The following ARK2N variants were observed in gnomAD, a reference collection of about 807,000 sequenced individuals.
ARK2N encodes the protein protein ARK2N.
At chr18:46,210,816 C>T in the ARK2N span, among the ~76,000 whole-genome samples, 9 of 151,108 alleles carry the variant, frequency 6.0e-5, no homozygotes, top group South Asian at 2.1e-4. Flanking sequence ...GGGGCTGAGG[C>T]GGGAGGATCA....
the ARK2N span, chr18:46,215,776 C>T: frequency 9.0e-7 from 1 of 1,112,072 alleles, no homozygotes. Context: ...AATAATCTGG[C>T]ATTCTGTTTA....
chr18:46,224,088 T>C, the ARK2N span, among the ~76,000 whole-genome samples: 2 of 152,216 alleles, frequency 1.3e-5, no homozygotes, highest in Non-Finnish European at 2.9e-5. Context: ...ACTGGACCAC[T>C]ATGCTACTGG....
chr18:46,262,877 G>GTGGTGGAA, the ARK2N span: 1 of 1,569,360 alleles, frequency 6.4e-7, no homozygotes, highest in African/African-American at 1.4e-5. Context: ...ATTGTCTTCT[G>GTGGTGGAA]TTTTTCCTGT....
the ARK2N span, among the ~76,000 whole-genome samples, chr18:46,179,985 T>C: frequency 3.3e-5 from 5 of 152,226 alleles, no homozygotes; most frequent in African/African-American, 9.6e-5. Context: ...CTATGTGTTA[T>C]ACAGATTTAT....
At chr18:46,216,119 C>T in the ARK2N span, 1 of 1,614,130 alleles carries the variant, frequency 6.2e-7, no homozygotes, top group Non-Finnish European at 8.5e-7. The surrounding 1 kb of genome is among the most constrained non-coding windows in gnomAD (Gnocchi z 4.3). Context: ...GACAAGCCTA[C>T]AACTGGCCGA....
the ARK2N span, among the ~76,000 whole-genome samples, chr18:46,176,628 ATT>A: frequency 6.9e-6 from 1 of 144,716 alleles, no homozygotes; most frequent in African/African-American, 2.5e-5. Flanking sequence ...CTAATTTTTA[ATT>A]TTTTTTTTTT....
At chr18:46,235,950 C>T in the ARK2N span, among the ~76,000 whole-genome samples, 2 of 152,130 alleles carry the variant, frequency 1.3e-5, no homozygotes, top group Non-Finnish European at 1.5e-5. Context: ...ATGGCAACAA[C>T]GAAGAAGGCT....
chr18:46,243,155 G>A, the ARK2N span, among the ~76,000 whole-genome samples: 4 of 152,114 alleles, frequency 2.6e-5, no homozygotes, highest in East Asian at 7.7e-4. Context: ...TAGTCTTGAT[G>A]TGATTATCAT....
the ARK2N span, among the ~76,000 whole-genome samples, chr18:46,253,100 G>T: frequency 6.6e-6 from 1 of 152,206 alleles, no homozygotes; most frequent in Non-Finnish European, 1.5e-5. Flanking sequence ...TTCCTTTTTA[G>T]ATGTAGTTTT....
chr18:46,219,692 G>C, the ARK2N span, among the ~76,000 whole-genome samples: 2,487 of 152,140 alleles, frequency 0.016, 36 homozygotes, highest in Non-Finnish European at 0.026. Flanking sequence ...GGATGGTCTT[G>C]ATCTCCTGAC....
the ARK2N span, among the ~76,000 whole-genome samples, chr18:46,249,991 G>GC: frequency 1.4e-5 from 2 of 147,958 alleles, no homozygotes; most frequent in African/African-American, 2.5e-5. Flanking sequence ...CTAATTCCCC[G>GC]CCCCCCTCGC....
At chr18:46,245,437 C>T in the ARK2N span, among the ~76,000 whole-genome samples, 14 of 151,682 alleles carry the variant, frequency 9.2e-5, no homozygotes, top group African/African-American at 2.7e-4. Context: ...GGCACGGTGG[C>T]GTGGGCTCCT....
the ARK2N span, among the ~76,000 whole-genome samples, chr18:46,199,541 G>C: frequency 1.4e-5 from 2 of 147,238 alleles, no homozygotes; most frequent in Admixed American, 6.9e-5. Context: ...TGGCCAGGCT[G>C]GTCTTGAACT....
At chr18:46,229,016 C>G in the ARK2N span, 2 of 380,414 alleles carry the variant, frequency 5.3e-6, no homozygotes, top group Admixed American at 4.5e-5. Context: ...ATAAGGAATG[C>G]CAGAATACAC....
At chr18:46,263,722 T>A in the ARK2N span, 6 of 152,882 alleles carry the variant, frequency 3.9e-5, no homozygotes, top group South Asian at 6.2e-4. Flanking sequence ...ACAGCACAGA[T>A]AATTGACATG....
At chr18:46,201,943 A>G in the ARK2N span, among the ~76,000 whole-genome samples, 1 of 151,720 alleles carries the variant, frequency 6.6e-6, no homozygotes, top group Non-Finnish European at 1.5e-5. Flanking sequence ...ACGCCTGGCT[A>G]ATTTTTGTAT....
chr18:46,208,705 T>G, the ARK2N span, among the ~76,000 whole-genome samples: 1 of 152,018 alleles, frequency 6.6e-6, no homozygotes. Context: ...CTTGACCTTG[T>G]GATCCATCCA....
chr18:46,229,007 T>C, the ARK2N span: 1 of 384,760 alleles, frequency 2.6e-6, no homozygotes, highest in African/African-American at 2.1e-5. Flanking sequence ...GGCAGAAAGA[T>C]AAGGAATGCC....
At chr18:46,249,596 A>G in the ARK2N span, among the ~76,000 whole-genome samples, 4 of 152,188 alleles carry the variant, frequency 2.6e-5, no homozygotes, top group Non-Finnish European at 5.9e-5. Context: ...CTCTCTGCAG[A>G]TGGCCTTGCC....
Sources: gnomAD v4.1 joint callset for allele counts (sites outside exome capture counted in the v4.1 genomes callset) on GRCh38, gnomAD v4.1.1 for gene constraint, Gnocchi (gnomAD v3.1) non-coding constraint, MANE v1.5 for transcripts, NCBI Gene and HGNC (gene_info 2026-07-23, HGNC 2026-07-21) for gene names.